Variants in OSBPL10 observed in about 807,000 individuals in gnomAD.
The protein encoded by OSBPL10 is oxysterol binding protein like 10.
In OSBPL10, 49 loss-of-function variants were observed where a neutral mutation model predicts 81.7. The observed-to-expected ratio is 0.60, with a 90% CI of 0.48 to 0.76. The LOEUF is 0.76. Among genes scored for constraint, OSBPL10 ranks in the 30% least tolerant of loss-of-function variants. The pLI, the probability that OSBPL10 is intolerant of heterozygous loss-of-function variation, is 0.00. For synonymous variants in OSBPL10, 419 were observed against 383.6 expected (o/e 1.09, Z -1.08); for missense variants, 923 against 987.8 (o/e 0.93, Z 0.88).
intron 4 of OSBPL10, among the ~76,000 whole-genome samples, chr3:31,761,571 C>T (rs747221146): frequency 7.9e-5 from 12 of 151,420 alleles, no homozygotes; most frequent in Non-Finnish European, 1.0e-4. Context: ...AATCCCAGCA[C>T]TTTGGGAGGC....
At chr3:31,766,347 GT>G (rs1491035746) in intron 4 of OSBPL10, among the ~76,000 whole-genome samples, 2 of 32,942 alleles carry the variant, frequency 6.1e-5, no homozygotes, top group African/African-American at 5.2e-5. Context: ...GTTTTTTTTT[GT>G]TTTTTTTTTG....
In OSBPL10 at chr3:32,056,713, C is replaced by T. The variant is rs771289451; in HGVS notation, n.186-10110G>A. Among the ~76,000 whole-genome samples the T allele has an allele frequency of 2.6e-5, 4 of 152,180 alleles. No homozygotes were observed. The East Asian group carries it at 5.8e-4, about 22-fold the overall frequency. ...AAGATGGACCTTCGTCCCTCTGCAA[C>T]CCTTGTAAAAGGGAGGAGGGACATA... On this transcript the variant is annotated intron_variant and non_coding_transcript_variant, in intron 1 of 3. Transcript: ENST00000479173.
intron 3 of OSBPL10, among the ~76,000 whole-genome samples, chr3:31,872,108 A>G (rs1403776962): frequency 1.3e-5 from 2 of 152,194 alleles, no homozygotes; most frequent in African/African-American, 4.8e-5. Context: ...GACCAATCCC[A>G]TACCCCGGTG....
At chr3:31,869,241 C>T (rs1297230931) in intron 3 of OSBPL10, among the ~76,000 whole-genome samples, 2 of 152,288 alleles carry the variant, frequency 1.3e-5, no homozygotes, top group East Asian at 3.9e-4. Context: ...ATGGTCTAAG[C>T]AGGTATGCTC....
chr3:31,677,446 G>A (rs1318237113), intron 8 of OSBPL10, among the ~76,000 whole-genome samples: 1 of 152,186 alleles, frequency 6.6e-6, no homozygotes, highest in African/African-American at 2.4e-5. Flanking sequence ...CAGGTGAGTG[G>A]CCAGGAAGGG....
At chr3:31,879,448 TC>T (rs1701564339) in intron 2 of OSBPL10, 6 of 550,428 alleles carry the variant, frequency 1.1e-5, no homozygotes, top group Non-Finnish European at 1.9e-5. Flanking sequence ...TGTCCTTAAT[TC>T]CTCAGTTAAT....
chr3:32,033,589 G>C (rs1477172166), intron 2 of OSBPL10, among the ~76,000 whole-genome samples: 1 of 152,170 alleles, frequency 6.6e-6, no homozygotes, highest in East Asian at 1.9e-4. Context: ...TCCCTAGACT[G>C]TGTAAAAAAG....
At chr3:31,820,007 T>C (rs1487753802) in intron 4 of OSBPL10, among the ~76,000 whole-genome samples, 3 of 152,160 alleles carry the variant, frequency 2.0e-5, no homozygotes, top group African/African-American at 7.2e-5. Flanking sequence ...CAACTCCCCC[T>C]AATAAATCTC....
intron 1 of OSBPL10, among the ~76,000 whole-genome samples, chr3:32,055,431 C>T (rs1699702267): frequency 6.6e-6 from 1 of 151,654 alleles, no homozygotes; most frequent in Non-Finnish European, 1.5e-5. Context: ...CTCCTAACCT[C>T]GTGACCCACC....
In OSBPL10 at chr3:32,006,239, C is replaced by T. The variant is rs113247275; in HGVS notation, n.298+40252G>A. On this transcript the variant is annotated intron_variant and non_coding_transcript_variant, in intron 2 of 3. Transcript: ENST00000479173. ...GGGATTACAGGCGTGAGCCACCGCA[C>T]CCCTCCATCTTGTTTTATTTTGGTA... Among the ~76,000 whole-genome samples the T allele has an allele frequency of 9.5e-3, 1,454 of 152,324 alleles. 18 individuals carry two copies. The highest frequency in any genetic ancestry group is 0.033 in the African/African-American group (1,360 of 41,576).
intron 1 of OSBPL10, among the ~76,000 whole-genome samples, chr3:32,056,187 G>T (rs554755567): frequency 6.6e-6 from 1 of 152,076 alleles, no homozygotes; most frequent in Non-Finnish European, 1.5e-5. Context: ...ATTAGATTCC[G>T]GTCTTATCAG....
chr3:31,858,959 G>A (rs1188269747), intron 3 of OSBPL10, among the ~76,000 whole-genome samples: 1 of 152,148 alleles, frequency 6.6e-6, no homozygotes, highest in African/African-American at 2.4e-5. Context: ...GCAGAATTGG[G>A]TGAATCTGTG....
chr3:31,863,317 AT>A (rs1220688102), intron 3 of OSBPL10, among the ~76,000 whole-genome samples: 9 of 152,152 alleles, frequency 5.9e-5, no homozygotes, highest in Non-Finnish European at 1.2e-4. Context: ...GAAACAGGGG[AT>A]TTTTTTAGGA....
At position 31,794,864 on chromosome 3, in the gene OSBPL10, C is replaced by T. The variant is rs545104621; in HGVS notation, c.729+35176G>A. ...GCATGTGGGAAAAAACTGGATGACA[C>T]TGAAAACCTTCATCAGCACCAGAAG... On this transcript the variant is annotated intron_variant, in intron 4 of 11. Coordinates refer to ENST00000396556, the MANE Select transcript of OSBPL10 (RefSeq NM_017784.5). The T allele has an allele frequency of 2.9e-5, 11 of 379,310 alleles. No individual in the cohort carries two copies. In the East Asian group the frequency reaches 6.1e-4, roughly 21 times the overall value. 23.5% of individuals were successfully genotyped at this position (379,310 alleles called of 1,614,324 possible).
intron 1 of OSBPL10, among the ~76,000 whole-genome samples, chr3:32,049,283 T>C (rs1369849737): frequency 3.3e-5 from 5 of 152,184 alleles, no homozygotes; most frequent in African/African-American, 7.2e-5. Flanking sequence ...AACGCCCTCT[T>C]GGGGTCTGGA....
chr3:32,069,853 C>T (rs1699813020), intron 1 of OSBPL10, among the ~76,000 whole-genome samples: 1 of 152,214 alleles, frequency 6.6e-6, no homozygotes, highest in Non-Finnish European at 1.5e-5. Flanking sequence ...TCCTTCAAAA[C>T]ATCCTCGTGG....
At chr3:31,662,294 C>T (rs556493690) in intron 11 of OSBPL10, 178 bp from the exon 12 acceptor site, 1 of 1,359,726 alleles carries the variant, frequency 7.4e-7, no homozygotes, top group East Asian at 2.9e-5. Context: ...TCTAGATGAC[C>T]TTGACCTTCC....
At position 31,668,794 on chromosome 3, in the gene OSBPL10, G is replaced by T; in HGVS notation, c.1944C>A (p.Thr648=). 6.2e-7 allele frequency: 1 copy of T among 1,612,476 alleles called. No individual in the cohort carries two copies. Among genetic ancestry groups the T allele is most frequent in the Non-Finnish European group, 8.5e-7 (1 of 1,178,946 alleles). ...RVTAEVKHNP[T]NTIVCKAHGE... ...CATGGGCTTTACAAACAATGGTGTT[G>T]GTTGGGTTGTGCTTCACTTCTGCGG... The change falls in exon 10 of 12, where the codon ACC becomes ACA. Residue 648 remains threonine (T), a synonymous_variant. Coordinates refer to ENST00000396556, the MANE Select transcript of OSBPL10 (RefSeq NM_017784.5).
At chr3:31,944,988 T>C (rs907591934) in intron 1 of OSBPL10, among the ~76,000 whole-genome samples, 1 of 149,392 alleles carries the variant, frequency 6.7e-6, no homozygotes, top group African/African-American at 2.5e-5. Flanking sequence ...CCGTCTCTAC[T>C]AAAAATACAA....
Sources: gnomAD v4.1 joint callset for allele counts (sites outside exome capture counted in the v4.1 genomes callset) on GRCh38, gnomAD v4.1.1 for gene constraint, MANE v1.5 for transcripts, NCBI Gene and HGNC (gene_info 2026-07-23, HGNC 2026-07-21) for gene names.